RALYL: variants seen among roughly 807,000 people sequenced by gnomAD.
RALYL encodes the protein RALY RNA binding protein like, also known as RNA-binding Raly-like protein.
Under a neutral mutation model 35.1 loss-of-function variants are expected in RALYL, and 29 were observed. The ratio of observed to expected loss-of-function variants is 0.83; its 90% CI spans 0.61 to 1.13. The LOEUF is 1.13. Ranked by LOEUF, RALYL falls within the 50% of genes most tolerant of loss-of-function variation. RALYL has a pLI of 0.00. For missense variants in RALYL, 359 were observed against 360.4 expected (o/e 1.00, Z 0.03); for synonymous variants, 120 against 127.6 (o/e 0.94, Z 0.40).
intron 1 of RALYL, among the ~76,000 whole-genome samples, chr8:84,425,080 A>T (rs964961774): frequency 1.3e-5 from 2 of 152,226 alleles, no homozygotes; most frequent in Non-Finnish European, 2.9e-5. Flanking sequence ...GGCTCCACCC[A>T]GTTCGAGCTT....
intron 2 of RALYL, among the ~76,000 whole-genome samples, chr8:84,759,936 GC>G (rs1407642704): frequency 5.9e-5 from 9 of 152,076 alleles, no homozygotes; most frequent in Admixed American, 4.6e-4. Flanking sequence ...ATATGTCTCA[GC>G]CCTTTCAGGC....
chr8:84,267,552 T>C (rs1470011032), intron 1 of RALYL, among the ~76,000 whole-genome samples: 1 of 152,186 alleles, frequency 6.6e-6, no homozygotes, highest in Non-Finnish European at 1.5e-5. Flanking sequence ...TACTAAATAT[T>C]TACCTCAAGT....
intron 1 of RALYL, among the ~76,000 whole-genome samples, chr8:84,335,668 CAA>C (rs919453441): frequency 2.9e-4 from 43 of 147,300 alleles, no homozygotes; most frequent in Non-Finnish European, 5.8e-4. Context: ...TTGACTACCT[CAA>C]AGAGTGGTTT....
At chr8:84,544,276 A>C (rs907370991) in intron 2 of RALYL, among the ~76,000 whole-genome samples, 1 of 151,970 alleles carries the variant, frequency 6.6e-6, no homozygotes, top group Non-Finnish European at 1.5e-5. Context: ...ATATATATTC[A>C]AAGAAATTTA....
intron 2 of RALYL, among the ~76,000 whole-genome samples, chr8:84,718,155 C>T (rs932480605): frequency 6.6e-6 from 1 of 152,082 alleles, no homozygotes; most frequent in Admixed American, 6.6e-5. Context: ...TACTAGGGAT[C>T]TTCAATCAGA....
At chr8:84,847,275 G>A (rs566863698) in intron 4 of RALYL, among the ~76,000 whole-genome samples, 13 of 152,304 alleles carry the variant, frequency 8.5e-5, no homozygotes, top group East Asian at 1.9e-4. Flanking sequence ...GGTCTGTGGC[G>A]AAAGTGGTTT....
At chr8:84,469,265 T>G (rs554837179) in intron 1 of RALYL, among the ~76,000 whole-genome samples, 1 of 152,206 alleles carries the variant, frequency 6.6e-6, no homozygotes, top group Non-Finnish European at 1.5e-5. Context: ...TTTCCCCATC[T>G]TTGTGGTTTT....
intron 8 of RALYL, among the ~76,000 whole-genome samples, chr8:84,907,179 A>G (rs944151517): frequency 6.6e-6 from 1 of 152,124 alleles, no homozygotes; most frequent in African/African-American, 2.4e-5. Context: ...TGGAAATAAT[A>G]CCTACCCCTG....
At chr8:84,489,636 T>A (rs1400385944) in intron 1 of RALYL, among the ~76,000 whole-genome samples, 1 of 152,038 alleles carries the variant, frequency 6.6e-6, no homozygotes, top group African/African-American at 2.4e-5. Flanking sequence ...GAGAGTGCTA[T>A]GGGATCACCT....
intron 1 of RALYL, among the ~76,000 whole-genome samples, chr8:84,316,638 A>G (rs1843806662): frequency 6.6e-6 from 1 of 152,070 alleles, no homozygotes; most frequent in Admixed American, 6.6e-5. Flanking sequence ...TTTTTATTAA[A>G]GCATGTTCAA....
At chr8:84,230,159 TATAGAA>T (rs1378548211) in intron 1 of RALYL, among the ~76,000 whole-genome samples, 2 of 152,114 alleles carry the variant, frequency 1.3e-5, no homozygotes, top group Non-Finnish European at 2.9e-5. Flanking sequence ...TGTATATAAG[TATAGAA>T]ATAGCTTCAA....
At chr8:84,485,383 G>A (rs1053701966) in intron 1 of RALYL, among the ~76,000 whole-genome samples, 3 of 152,042 alleles carry the variant, frequency 2.0e-5, no homozygotes, top group Non-Finnish European at 2.9e-5. Flanking sequence ...GAGGTCAGGA[G>A]TTTGAGTCCA....
At chr8:84,233,777 T>C (rs2131465409) in intron 1 of RALYL, among the ~76,000 whole-genome samples, 1 of 152,344 alleles carries the variant, frequency 6.6e-6, no homozygotes, top group South Asian at 2.1e-4. Flanking sequence ...AATAACTTTC[T>C]AGTTGGTCTT....
chr8:84,818,671 A>C (rs537212819), intron 4 of RALYL, among the ~76,000 whole-genome samples: 1 of 152,328 alleles, frequency 6.6e-6, no homozygotes, highest in African/African-American at 2.4e-5. Context: ...GAGCCATTCA[A>C]TGATGTATAC....
At chr8:84,436,886 G>T (rs1361124285) in intron 1 of RALYL, among the ~76,000 whole-genome samples, 2 of 151,772 alleles carry the variant, frequency 1.3e-5, no homozygotes, top group Non-Finnish European at 1.5e-5. Flanking sequence ...ATAATTTCAA[G>T]TTTTGTTTTA....
intron 3 of RALYL, among the ~76,000 whole-genome samples, chr8:84,797,059 T>TGTAA (rs1822102720): frequency 6.6e-6 from 1 of 152,154 alleles, no homozygotes; most frequent in South Asian, 2.1e-4. Context: ...TTATAAAAAA[T>TGTAA]GTAAGTTATT....
intron 2 of RALYL, among the ~76,000 whole-genome samples, chr8:84,560,410 G>A (rs1004851664): frequency 4.6e-5 from 7 of 152,004 alleles, no homozygotes; most frequent in East Asian, 3.9e-4. Flanking sequence ...CCAGAGCCAT[G>A]GGTATTTCTA....
At chr8:84,461,363 A>T (rs1182735931) in intron 1 of RALYL, among the ~76,000 whole-genome samples, 1 of 151,678 alleles carries the variant, frequency 6.6e-6, no homozygotes, top group Non-Finnish European at 1.5e-5. Flanking sequence ...TGCAAGAATG[A>T]GGCTACAAGA....
At chr8:84,207,869 A>G (rs1219561313) in intron 1 of RALYL, among the ~76,000 whole-genome samples, 1 of 151,798 alleles carries the variant, frequency 6.6e-6, no homozygotes, top group Non-Finnish European at 1.5e-5. Context: ...CTATACATGT[A>G]TACAATTTTT....
Sources: gnomAD v4.1 joint callset for allele counts (sites outside exome capture counted in the v4.1 genomes callset) on GRCh38, gnomAD v4.1.1 for gene constraint, MANE v1.5 for transcripts, NCBI Gene and HGNC (gene_info 2026-07-23, HGNC 2026-07-21) for gene names.